The following LZTR1 variants were observed in gnomAD, a reference collection of about 807,000 sequenced individuals.
LZTR1 encodes leucine-zipper-like transcriptional regulator 1.
LZTR1 carries 260 observed loss-of-function variants against 105.7 expected under a neutral mutation model. That is an observed-to-expected ratio of 2.46 (90% CI 2.22 to 2.72). LZTR1 has a LOEUF of 2.72. Among genes scored for constraint, LZTR1 ranks in the 30% most tolerant of loss-of-function variants. The probability of loss-of-function intolerance (pLI) is 0.00; values close to 1 mark genes in which losing one functional copy is unlikely to be tolerated. For missense variants in LZTR1, 1,214 were observed against 1,166.9 expected (o/e 1.04, Z -0.59); for synonymous variants, 490 against 476.4 (o/e 1.03, Z -0.37).
chr22:20,994,815 C>T, intron 15 of LZTR1, 55 bp from the exon 16 acceptor site: 1 of 1,609,974 alleles, frequency 6.2e-7, no homozygotes, highest in Non-Finnish European at 8.5e-7. Flanking sequence ...AGCCCCTCGC[C>T]CAGCCTGGGG....
At chr22:20,992,471 G>A in intron 10 of LZTR1, 102 bp downstream of exon 10, 1 of 1,301,346 alleles carries the variant, frequency 7.7e-7, no homozygotes, top group Non-Finnish European at 1.0e-6. Flanking sequence ...AGAAATACTT[G>A]CTTGGGGTCA....
In LZTR1 at chr22:20,994,624, G is replaced by T. The variant is rs970027059; in HGVS notation, c.1682G>T (p.Arg561Leu). The change falls in exon 15 of 21, where the codon CGC (arginine) becomes CTC (leucine). Residue 561 changes from arginine (R) to leucine (L), a missense_variant. By Grantham distance (102) the Arg-to-Leu change is moderately radical. Transcript: ENST00000646124. Reference sequence around the variant, plus strand: ...CTGGCACTGAGCTTCCAGTTGTGCCGCCTGGAGCAGCTGTGCCGCCAGTAC... The same window carrying T: ...CTGGCACTGAGCTTCCAGTTGTGCCTCCTGGAGCAGCTGTGCCGCCAGTAC... ...YKLALSFQLC[R>L]LEQLCRQYIE... is the part of the protein sequence containing the mutation. The T allele has an allele frequency of 6.2e-6, 10 of 1,612,400 alleles. No homozygotes were observed. The highest frequency in any genetic ancestry group is 8.5e-6 in the Non-Finnish European group (10 of 1,179,808).
intron 8 of LZTR1, 168 bp downstream of exon 8, chr22:20,990,693 G>A (rs1924578431): frequency 1.4e-6 from 1 of 693,366 alleles, no homozygotes; most frequent in South Asian, 1.9e-5. Flanking sequence ...CCCCTGGCAG[G>A]TCCCCAGGAT....
intron 7 of LZTR1, 47 bp from the exon 8 acceptor site, chr22:20,990,339 G>A (rs376466518): frequency 8.1e-6 from 13 of 1,611,396 alleles, no homozygotes; most frequent in Middle Eastern, 1.8e-4. Flanking sequence ...GGTGAAATGT[G>A]AGCGGGCCCT....
intron 7 of LZTR1, among the ~76,000 whole-genome samples, chr22:20,990,028 G>A (rs954907125): frequency 1.3e-5 from 2 of 152,166 alleles, no homozygotes; most frequent in African/African-American, 2.4e-5. Flanking sequence ...AGTGAGGGCC[G>A]TCTGCTATCC....
At chr22:20,994,838 T>TCTGC (rs752068101) in intron 15 of LZTR1, 32 bp from the exon 16 acceptor site, 15 of 1,611,858 alleles carry the variant, frequency 9.3e-6, no homozygotes, top group East Asian at 2.2e-5. Flanking sequence ...CTGGCTTGAC[T>TCTGC]CTGCCTGCCT....
In LZTR1 at chr22:20,996,704, T is replaced by TTGCGGCCCCCTACTAC; in HGVS notation, c.2230_2245dup (p.Tyr749CysfsTer38). ...CCTTAACCAGGCCCCAGCTACTTGTTTGCGGCCCCCTACTACTACGGCTTC... is the reference window on the plus strand; with the variant it reads ...CCTTAACCAGGCCCCAGCTACTTGTTTGCGGCCCCCTACTACTGCGGCCCCCTACTACTACGGCTTC... On this transcript the variant is annotated frameshift_variant, in exon 19 of 21. Coordinates refer to ENST00000646124, the MANE Select transcript of LZTR1 (RefSeq NM_006767.4). LOFTEE classifies it high-confidence loss of function. The TTGCGGCCCCCTACTAC allele has an allele frequency of 6.2e-7, 1 of 1,613,544 alleles. No individual in the cohort carries two copies. The highest frequency in any genetic ancestry group is 8.5e-7 in the Non-Finnish European group (1 of 1,179,880).
At position 20,990,418 on chromosome 22, in the gene LZTR1, C is replaced by A. The variant is rs1343634751; in HGVS notation, c.684C>A (p.Cys228Ter). The A allele has an allele frequency of 1.9e-6, 3 of 1,614,032 alleles. No individual in the cohort carries two copies. The highest frequency in any genetic ancestry group is 1.3e-5 in the African/African-American group (1 of 74,924). Reference sequence around the variant, plus strand: ...AGAGTGGCGAGATCCCCCCATCTTGCTGCAACTTCCCCGTGGCTGTGTGCC... The same window carrying A: ...AGAGTGGCGAGATCCCCCCATCTTGATGCAACTTCCCCGTGGCTGTGTGCC... ...VAQSGEIPPS[C>*]CNFPVAVCRD... The change falls in exon 8 of 21, where the codon TGC (cysteine) becomes TGA (stop). Residue 228 changes from cysteine (C) to a stop codon, truncating the protein, a stop_gained. Coordinates refer to ENST00000646124, the MANE Select transcript of LZTR1 (RefSeq NM_006767.4). LOFTEE classifies it high-confidence loss of function.
In LZTR1 at chr22:20,995,739, C is replaced by G; in HGVS notation, c.1943-7C>G. ...CTGTACCTGCTCAGGGACCCTCCTA[C>G]CCCCAGGCACATCTCTGATCCAGGA... On this transcript the variant is annotated splice_polypyrimidine_tract_variant and splice_region_variant and intron_variant, in intron 16 of 20. Transcript: ENST00000646124. 1 of 1,613,400 alleles carries G rather than the reference C, an allele frequency of 6.2e-7. No homozygotes were observed. The highest frequency in any genetic ancestry group is 8.5e-7 in the Non-Finnish European group (1 of 1,179,958).
At position 20,994,932 on chromosome 22, in the gene LZTR1, G is replaced by A. The variant is rs764236470; in HGVS notation, c.1848G>A (p.Glu616=). 4 of 1,613,412 alleles carry A rather than the reference G, an allele frequency of 2.5e-6. No individual in the cohort carries two copies. The highest frequency in any genetic ancestry group is 3.4e-6 in the Non-Finnish European group (4 of 1,180,020). The part of the protein sequence containing the change: ...SHFNQVIMMK[E]FERLSSPLIV... ...TCAACCAGGTGATCATGATGAAGGA[G>A]TTCGAGCGCCTCTCCTCTCCACTGA... Residue 616 remains glutamate, a synonymous_variant, in exon 16 of 21, where the codon GAG becomes GAA. Coordinates refer to ENST00000646124, the MANE Select transcript of LZTR1 (RefSeq NM_006767.4).
chr22:20,990,443 C>CG lies in LZTR1; in HGVS notation c.712dup (p.Asp238GlyfsTer22). On this transcript the variant is annotated frameshift_variant, in exon 8 of 21. Coordinates refer to ENST00000646124, the MANE Select transcript of LZTR1 (RefSeq NM_006767.4). LOFTEE classifies it high-confidence loss of function. ...CTGCAACTTCCCCGTGGCTGTGTGC[C>CG]GGGACAAGATGTTTGTATTCTCTGG... 1 of 1,614,046 alleles carries CG rather than the reference C, an allele frequency of 6.2e-7. No individual in the cohort carries two copies. The highest frequency in any genetic ancestry group is 8.5e-7 in the Non-Finnish European group (1 of 1,179,990).
At chr22:20,987,345 T>C (rs1339478257) in intron 3 of LZTR1, among the ~76,000 whole-genome samples, 159 bp from the exon 4 acceptor site, 21 of 148,082 alleles carry the variant, frequency 1.4e-4, no homozygotes, top group Admixed American at 8.1e-4. Flanking sequence ...GCCGGGATCG[T>C]GCCACTGCAC....
In LZTR1 at chr22:20,987,490, T is replaced by G; in HGVS notation, c.321-14T>G. ...GACCCCCGCTGACTCTCACCACCCC[T>G]GTGCCCACCCCAGGGCCTTTACCAC... On this transcript the variant is annotated splice_polypyrimidine_tract_variant and intron_variant, in intron 3 of 20. Transcript: ENST00000646124. 1 of 1,576,392 alleles carries G rather than the reference T, an allele frequency of 6.3e-7. No individual in the cohort carries two copies. The highest frequency in any genetic ancestry group is 8.7e-7 in the Non-Finnish European group (1 of 1,154,830).
rs1269707335 is a variant in LZTR1 at position 20,997,366 on chromosome 22, C to T, written c.*18C>T. ...ACATCTGAGGCCCTGTGGCGCCTGC[C>T]CATTGTGAAGAATCGCCGTGCCTGC... is the stretch of plus-strand genomic sequence containing the variant. On this transcript the variant is annotated 3_prime_UTR_variant, in exon 21 of 21. Transcript: ENST00000646124. 8.3e-6 allele frequency: 13 copies of T among 1,574,128 alleles called. No individual in the cohort carries two copies. The highest frequency in any genetic ancestry group is 1.1e-5 in the Non-Finnish European group (13 of 1,144,390).
chr22:20,994,876 T>A lies in LZTR1; in HGVS notation c.1792T>A (p.Cys598Ser). The A allele has an allele frequency of 6.2e-7, 1 of 1,613,308 alleles. No individual in the cohort carries two copies. Reference protein sequence around the residue: ...RLQLSQLKEHCLNFVVKESHF... With the variant: ...RLQLSQLKEHSLNFVVKESHF... ...CTGTGCCTGTCTGCCCCAGGAGCAC[T>A]GCCTGAACTTCGTGGTAAAGGAGTC... Residue 598 changes from cysteine (C) to serine (S), a missense_variant, in exon 16 of 21, where the codon TGC becomes AGC. Transcript: ENST00000646124.
chr22:20,993,953 C>T lies in LZTR1; in HGVS notation c.1383C>T (p.Ala461=). The change falls in exon 13 of 21, where the codon GCC becomes GCT. Residue 461 remains alanine, a synonymous_variant. Coordinates refer to ENST00000646124, the MANE Select transcript of LZTR1 (RefSeq NM_006767.4). The part of the protein sequence containing the change: ...EKEECVQGHV[A]IVTARSRWLR... The stretch of plus-strand genomic sequence containing the variant: ...AGGAGTGCGTGCAGGGCCACGTAGC[C>T]ATTGTCACAGCGCGGAGCCGCTGGC... 1 of 1,612,878 alleles carries T rather than the reference C, an allele frequency of 6.2e-7. No homozygotes were observed.
rs199625022 is a variant in LZTR1, at chr22:20,996,081, G to A, written c.2188G>A (p.Gly730Ser). The A allele has an allele frequency of 1.8e-5, 29 of 1,613,120 alleles. No homozygotes were observed. The highest frequency in any genetic ancestry group is 6.7e-5 in the East Asian group (3 of 44,882). ...FESMLRYIYY[G>S]EVNMPPEDSL... ...GTCCATGCTGCGCTACATCTACTAC[G>A]GCGAGGTCAACATGCCGCCCGAGGA... The change falls in exon 18 of 21, where the codon GGC becomes AGC. Residue 730 changes from glycine to serine, a missense_variant. Physicochemically the swap from Gly to Ser is moderately conservative, Grantham distance 56. Coordinates refer to ENST00000646124, the MANE Select transcript of LZTR1 (RefSeq NM_006767.4).
intron 5 of LZTR1, 102 bp downstream of exon 5, chr22:20,988,220 C>G (rs2269779): frequency 1.4e-6 from 1 of 718,934 alleles, no homozygotes; most frequent in African/African-American, 1.8e-5. Flanking sequence ...CCTGAGGGCA[C>G]GCAATAGCAG....
At position 20,987,587 on chromosome 22, in the gene LZTR1, A is replaced by G. The variant is rs1924441714; in HGVS notation, c.400+4A>G. On this transcript the variant is annotated splice_donor_region_variant and intron_variant, in intron 4 of 20. Transcript: ENST00000646124. ...GGGAGCAGCATGTTTGTCTTTGGTA[A>G]GCAGCCTCTTGCCTCCCAGGGGCTG... is the stretch of plus-strand genomic sequence containing the variant. The G allele has an allele frequency of 1.9e-6, 3 of 1,613,946 alleles. No individual in the cohort carries two copies. The highest frequency in any genetic ancestry group is 2.5e-6 in the Non-Finnish European group (3 of 1,179,856).
Sources: allele counts gnomAD v4.1 joint callset (sites outside exome capture counted in the v4.1 genomes callset), GRCh38; gene constraint gnomAD v4.1.1; transcripts MANE v1.5; gene names NCBI Gene and HGNC (gene_info 2026-07-23, HGNC 2026-07-21).